GRAMD1B: variants seen among roughly 807,000 people sequenced by gnomAD.
The protein encoded by GRAMD1B is GRAM domain containing 1B.
In GRAMD1B, 37 loss-of-function variants were observed where a neutral mutation model predicts 99.7. The ratio of observed to expected loss-of-function variants is 0.37; its 90% CI spans 0.29 to 0.49. GRAMD1B has a LOEUF of 0.49. Among genes scored for constraint, GRAMD1B ranks in the 20% least tolerant of loss-of-function variants. GRAMD1B has a pLI of 0.98. For synonymous variants in GRAMD1B, 427 were observed against 387.6 expected (o/e 1.10, Z -1.19); for missense variants, 888 against 1,009.2 (o/e 0.88, Z 1.63).
At chr11:123,418,055 A>G (rs925988754) in intron 1 of GRAMD1B, among the ~76,000 whole-genome samples, 1 of 152,164 alleles carries the variant, frequency 6.6e-6, no homozygotes, top group Non-Finnish European at 1.5e-5. Flanking sequence ...ATGAACCACT[A>G]TGCCCTAACT....
chr11:123,515,931 C>T (rs1941632307), intron 2 of GRAMD1B, among the ~76,000 whole-genome samples: 1 of 152,072 alleles, frequency 6.6e-6, no homozygotes, highest in African/African-American at 2.4e-5. Flanking sequence ...CCACGCCGGG[C>T]TAATTTTTGT....
At chr11:123,467,626 T>C (rs1950756230) in intron 1 of GRAMD1B, among the ~76,000 whole-genome samples, 1 of 151,916 alleles carries the variant, frequency 6.6e-6, no homozygotes, top group Non-Finnish European at 1.5e-5. Flanking sequence ...ATGGGGAAGG[T>C]CCACATATGT....
At chr11:123,413,215 C>G (rs182586097) in intron 1 of GRAMD1B, among the ~76,000 whole-genome samples, 29 of 152,312 alleles carry the variant, frequency 1.9e-4, no homozygotes, top group Admixed American at 1.8e-3. Flanking sequence ...GACTCTCCCT[C>G]TTATTCAAAG....
intron 1 of GRAMD1B, among the ~76,000 whole-genome samples, chr11:123,418,110 AC>A (rs1351636053): frequency 6.6e-6 from 1 of 152,136 alleles, no homozygotes; most frequent in Non-Finnish European, 1.5e-5. Context: ...TCTCTAAGGT[AC>A]TTTTCTACTT....
intron 2 of GRAMD1B, among the ~76,000 whole-genome samples, chr11:123,493,319 C>T (rs1195096082): frequency 6.6e-6 from 1 of 152,218 alleles, no homozygotes; most frequent in Non-Finnish European, 1.5e-5. Flanking sequence ...GCACTTAGCA[C>T]TGTGTCTGGA....
chr11:123,469,511 G>A (rs754545226), intron 1 of GRAMD1B, among the ~76,000 whole-genome samples: 5 of 152,100 alleles, frequency 3.3e-5, no homozygotes, highest in Admixed American at 6.5e-5. Context: ...CTGATGTGGG[G>A]TTGCATTTCT....
chr11:123,457,226 G>T (rs1950200941), intron 1 of GRAMD1B, among the ~76,000 whole-genome samples: 1 of 151,930 alleles, frequency 6.6e-6, no homozygotes, highest in Non-Finnish European at 1.5e-5. Context: ...GTTATAAAAT[G>T]ATAACCTGGA....
chr11:123,481,135 G>A (rs1193465291), intron 2 of GRAMD1B, among the ~76,000 whole-genome samples: 7 of 152,162 alleles, frequency 4.6e-5, no homozygotes, highest in Admixed American at 2.0e-4. Context: ...AGAAGTCAAC[G>A]TGTGGCAAAC....
intron 1 of GRAMD1B, among the ~76,000 whole-genome samples, chr11:123,409,892 G>A (rs1947980643): frequency 6.6e-6 from 1 of 152,154 alleles, no homozygotes; most frequent in Admixed American, 6.5e-5. Context: ...GTGAGTGCTC[G>A]CCTCACGCTT....
intron 1 of GRAMD1B, among the ~76,000 whole-genome samples, chr11:123,408,457 C>T (rs925382327): frequency 1.1e-4 from 16 of 152,224 alleles, no homozygotes; most frequent in African/African-American, 3.9e-4. Context: ...ACGCAGAAGT[C>T]ACTAATTGCC....
intron 1 of GRAMD1B, among the ~76,000 whole-genome samples, chr11:123,389,592 TG>T (rs1947200914): frequency 6.6e-6 from 1 of 152,126 alleles, no homozygotes; most frequent in South Asian, 2.1e-4. Flanking sequence ...TAAGGAAAAC[TG>T]GATGAAGAAT....
chr11:123,491,924 C>G (rs1368880121), intron 2 of GRAMD1B: 1 of 399,138 alleles, frequency 2.5e-6, no homozygotes, highest in African/African-American at 2.1e-5. Context: ...ACCACGTCTC[C>G]TCCCTGAGGA....
At chr11:123,397,109 A>G (rs542583762) in intron 1 of GRAMD1B, among the ~76,000 whole-genome samples, 1 of 152,260 alleles carries the variant, frequency 6.6e-6, no homozygotes, top group Non-Finnish European at 1.5e-5. Flanking sequence ...TCGTTCAATT[A>G]AAAAACAAAA....
In GRAMD1B at chr11:123,603,530, C is replaced by T. The variant is rs1296970578; in HGVS notation, c.1155C>T (p.Phe385=). 1 of 1,607,854 alleles carries T rather than the reference C, an allele frequency of 6.2e-7. No individual in the cohort carries two copies. The highest frequency in any genetic ancestry group is 1.1e-5 in the South Asian group (1 of 90,966). ...DEDYVPPDDD[F]NTMGYCEEIP... ...ACTACGTGCCCCCTGACGACGACTT[C>T]AACACAATGGGGTGAGTGAGGCCAA... The change falls in exon 9 of 20, where the codon TTC becomes TTT. Residue 385 remains phenylalanine (F), a synonymous_variant. Transcript: ENST00000635736.
chr11:123,432,282 C>T (rs1299219411), intron 1 of GRAMD1B, among the ~76,000 whole-genome samples: 1 of 152,092 alleles, frequency 6.6e-6, no homozygotes, highest in Non-Finnish European at 1.5e-5. Flanking sequence ...AACACCTGGG[C>T]ACAGTGGCTC....
intron 1 of GRAMD1B, among the ~76,000 whole-genome samples, chr11:123,407,268 A>ATT (rs11377807): frequency 0.03 from 4,525 of 148,778 alleles, 77 homozygotes; most frequent in Middle Eastern, 0.064. Context: ...CTTCCTTTGA[A>ATT]TTTTTTTTTT....
At chr11:123,381,804 T>C (rs1030381224) in intron 1 of GRAMD1B, among the ~76,000 whole-genome samples, 1 of 152,192 alleles carries the variant, frequency 6.6e-6, no homozygotes, top group Non-Finnish European at 1.5e-5. Flanking sequence ...TACTGATTTG[T>C]TGTAGACCTA....
chr11:123,614,337 G>A (rs1351062591), intron 16 of GRAMD1B, among the ~76,000 whole-genome samples: 1 of 152,192 alleles, frequency 6.6e-6, no homozygotes, highest in Non-Finnish European at 1.5e-5. Context: ...GACTGACATT[G>A]CATTTGAGTA....
chr11:123,600,580 G>T (rs1951823800), intron 8 of GRAMD1B, 32 bp downstream of exon 8: 1 of 1,397,338 alleles, frequency 7.2e-7, no homozygotes, highest in South Asian at 1.2e-5. Flanking sequence ...TTTACTGTGG[G>T]ACTGGCTATC....
Sources: gnomAD v4.1 joint callset for allele counts (sites outside exome capture counted in the v4.1 genomes callset) on GRCh38, gnomAD v4.1.1 for gene constraint, MANE v1.5 for transcripts, NCBI Gene and HGNC (gene_info 2026-07-23, HGNC 2026-07-21) for gene names.